Variants in HDAC9 observed in about 807,000 individuals in gnomAD.
HDAC9 encodes histone deacetylase 9.
HDAC9 carries 41 observed loss-of-function variants against 139.4 expected under a neutral mutation model. The ratio of observed to expected loss-of-function variants is 0.29; its 90% CI spans 0.23 to 0.38. HDAC9 has a LOEUF of 0.38. Ranked by LOEUF, HDAC9 falls within the 10% of genes least tolerant of loss-of-function variation. HDAC9 has a pLI of 1.00. For synonymous variants in HDAC9, 517 were observed against 476.2 expected (o/e 1.09, Z -1.12); for missense variants, 1,147 against 1,297.0 (o/e 0.88, Z 1.78).
chr7:18,994,383 T>G (rs185688772), intron 25 of HDAC9, among the ~76,000 whole-genome samples: 9 of 152,340 alleles, frequency 5.9e-5, no homozygotes, highest in Non-Finnish European at 5.9e-5. Flanking sequence ...TTTAAAATCT[T>G]TCTTCTTTGA....
chr7:18,614,449 TC>T (rs1400925297), intron 6 of HDAC9, among the ~76,000 whole-genome samples: 4 of 152,146 alleles, frequency 2.6e-5, no homozygotes, highest in African/African-American at 7.2e-5. Context: ...TTCTGTCTTT[TC>T]CCCCACCTAC....
intron 17 of HDAC9, among the ~76,000 whole-genome samples, chr7:18,819,083 C>G (rs1421222709): frequency 6.6e-6 from 1 of 152,054 alleles, no homozygotes; most frequent in Non-Finnish European, 1.5e-5. Context: ...AGTTCAAGAC[C>G]AGCCTGGCCA....
chr7:18,270,190 ACTC>A (rs1168301772), intron 2 of HDAC9, among the ~76,000 whole-genome samples: 2 of 151,498 alleles, frequency 1.3e-5, no homozygotes, highest in Admixed American at 6.6e-5. Context: ...TAGACAGTGA[ACTC>A]CTAGCAAGTG....
At chr7:18,618,067 C>A (rs1198855748) in intron 6 of HDAC9, among the ~76,000 whole-genome samples, 1 of 151,954 alleles carries the variant, frequency 6.6e-6, no homozygotes, top group African/African-American at 2.4e-5. Flanking sequence ...GATGATTTTG[C>A]AATTTAATGG....
intron 1 of HDAC9, among the ~76,000 whole-genome samples, chr7:18,302,465 C>T (rs1798605564): frequency 1.3e-5 from 2 of 152,140 alleles, no homozygotes; most frequent in Non-Finnish European, 2.9e-5. Context: ...CCAGGAAGAT[C>T]TGGATTTTTA....
intron 2 of HDAC9, among the ~76,000 whole-genome samples, chr7:18,269,620 G>A (rs1378084878): frequency 3.9e-5 from 6 of 152,168 alleles, no homozygotes; most frequent in Non-Finnish European, 7.4e-5. Flanking sequence ...TACTCAGGAG[G>A]CTGAGGTGGG....
At chr7:18,809,144 A>G (rs1793968832) in intron 17 of HDAC9, among the ~76,000 whole-genome samples, 1 of 152,094 alleles carries the variant, frequency 6.6e-6, no homozygotes, top group African/African-American at 2.4e-5. Context: ...CACATGGAAT[A>G]ATATAAAATT....
chr7:18,420,048 G>T (rs766679216), intron 1 of HDAC9, among the ~76,000 whole-genome samples: 13 of 152,160 alleles, frequency 8.5e-5, no homozygotes, highest in Non-Finnish European at 1.8e-4. Flanking sequence ...TATAGAAATT[G>T]TTGGGAAAGA....
intron 7 of HDAC9, among the ~76,000 whole-genome samples, chr7:18,631,040 T>G (rs1782162211): frequency 6.6e-6 from 1 of 152,098 alleles, no homozygotes; most frequent in African/African-American, 2.4e-5. Context: ...AATGTGCTTT[T>G]CTGTGTTCCT....
At chr7:18,236,190 C>G (rs1011647071) in intron 2 of HDAC9, among the ~76,000 whole-genome samples, 1 of 152,164 alleles carries the variant, frequency 6.6e-6, no homozygotes, top group Admixed American at 6.5e-5. Context: ...ATCCCTGAGA[C>G]CTCCTGCAGC....
At chr7:18,275,017 C>T (rs1224303630) in intron 2 of HDAC9, among the ~76,000 whole-genome samples, 1 of 152,168 alleles carries the variant, frequency 6.6e-6, no homozygotes, top group Non-Finnish European at 1.5e-5. Context: ...CTAGCCCAGG[C>T]AGCTTTCCTG....
At chr7:18,363,390 G>T (rs1783931753) in intron 1 of HDAC9, among the ~76,000 whole-genome samples, 1 of 152,156 alleles carries the variant, frequency 6.6e-6, no homozygotes. Context: ...ACTCATCCTA[G>T]AGAAAGAACT....
intron 2 of HDAC9, among the ~76,000 whole-genome samples, chr7:18,522,696 G>A (rs945151702): frequency 4.6e-5 from 7 of 151,510 alleles, no homozygotes; most frequent in African/African-American, 1.2e-4. Context: ...TTATTTAAGC[G>A]CTGTAGGTGA....
intron 2 of HDAC9, among the ~76,000 whole-genome samples, chr7:18,226,701 G>T (rs1240963929): frequency 1.3e-5 from 2 of 152,160 alleles, no homozygotes; most frequent in East Asian, 3.9e-4. Flanking sequence ...GAGGAAGGTG[G>T]GTTTGGGCAA....
chr7:18,839,458 A>T (rs1796447306), intron 21 of HDAC9, among the ~76,000 whole-genome samples: 1 of 152,054 alleles, frequency 6.6e-6, no homozygotes, highest in South Asian at 2.1e-4. Context: ...TAGCCTCCCA[A>T]CCTAAGGCAC....
At chr7:18,916,638 A>G (rs1474382698) in intron 22 of HDAC9, among the ~76,000 whole-genome samples, 4 of 152,036 alleles carry the variant, frequency 2.6e-5, no homozygotes, top group Non-Finnish European at 1.5e-5. Context: ...ATTGAGCTTC[A>G]GAGAGAAACG....
intron 12 of HDAC9, among the ~76,000 whole-genome samples, chr7:18,713,352 G>A (rs1312200944): frequency 6.6e-6 from 1 of 152,116 alleles, no homozygotes; most frequent in Non-Finnish European, 1.5e-5. Flanking sequence ...TGACCCATGA[G>A]ACTAAATACA....
chr7:18,800,971 A>T (rs1562951322), intron 17 of HDAC9, among the ~76,000 whole-genome samples: 1 of 152,052 alleles, frequency 6.6e-6, no homozygotes, highest in Non-Finnish European at 1.5e-5. Context: ...GGGGCTGTTT[A>T]TTTTTTGCTA....
chr7:18,825,491 A>C (rs1258121662), intron 17 of HDAC9, among the ~76,000 whole-genome samples: 1 of 152,144 alleles, frequency 6.6e-6, no homozygotes, highest in Non-Finnish European at 1.5e-5. Flanking sequence ...CCTTGGAGTT[A>C]GTAGCATGGC....
Sources: gnomAD v4.1 joint callset for allele counts (sites outside exome capture counted in the v4.1 genomes callset) on GRCh38, gnomAD v4.1.1 for gene constraint, MANE v1.5 for transcripts, NCBI Gene and HGNC (gene_info 2026-07-23, HGNC 2026-07-21) for gene names.